Variants in LRRC4C observed in about 807,000 individuals in gnomAD.
LRRC4C encodes leucine rich repeat containing 4C, also known as leucine-rich repeat-containing protein 4C.
Under a neutral mutation model 33.6 loss-of-function variants are expected in LRRC4C, and 5 were observed. The observed-to-expected ratio is 0.15, with a 90% CI of 0.08 to 0.31. The LOEUF is 0.31. Among genes scored for constraint, LRRC4C ranks in the 10% least tolerant of loss-of-function variants. The probability of loss-of-function intolerance (pLI) is 1.00; values close to 1 mark genes in which losing one functional copy is unlikely to be tolerated. For missense variants in LRRC4C, 560 were observed against 796.7 expected (o/e 0.70, Z 3.58); for synonymous variants, 329 against 302.0 (o/e 1.09, Z -0.93).
At position 40,648,185 on chromosome 11, in the gene LRRC4C, T is replaced by C. The variant is rs1416256500; in HGVS notation, c.-313A>G. The C allele has an allele frequency of 6.6e-6, 1 of 152,214 alleles. No homozygotes were observed. The highest frequency in any genetic ancestry group is 2.4e-5 in the African/African-American group (1 of 41,450). 9.4% of individuals were successfully genotyped at this position (152,214 alleles called of 1,614,324 possible). Reference sequence around the variant, plus strand: ...GGACCCGTTTCTCTGTTTGCAAAACTGGAACCCACTTAATTTATGGCGATT... The same window carrying C: ...GGACCCGTTTCTCTGTTTGCAAAACCGGAACCCACTTAATTTATGGCGATT... On this transcript the variant is annotated 5_prime_UTR_variant, in exon 3 of 7. Coordinates refer to ENST00000528697, the MANE Select transcript of LRRC4C (RefSeq NM_001258419.2).
At chr11:41,067,873 A>G (rs941375884) in intron 1 of LRRC4C, among the ~76,000 whole-genome samples, 8 of 152,220 alleles carry the variant, frequency 5.3e-5, no homozygotes, top group African/African-American at 1.9e-4. Flanking sequence ...CAGAGAGACA[A>G]CGTACTAGAA....
chr11:40,587,168 T>A (rs1336817348), intron 3 of LRRC4C, among the ~76,000 whole-genome samples: 1 of 152,088 alleles, frequency 6.6e-6, no homozygotes, highest in African/African-American at 2.4e-5. Flanking sequence ...TGGATTGTAG[T>A]TCTCCTTGAA....
chr11:40,540,264 G>C (rs1455848597), intron 3 of LRRC4C, among the ~76,000 whole-genome samples: 5 of 152,114 alleles, frequency 3.3e-5, no homozygotes, highest in Non-Finnish European at 7.4e-5. Context: ...CTGTTGTAGC[G>C]CTGGCAGTTC....
At chr11:40,125,550 TTCTC>T (rs35065547) in intron 6 of LRRC4C, among the ~76,000 whole-genome samples, 2 of 151,180 alleles carry the variant, frequency 1.3e-5, no homozygotes, top group Admixed American at 6.6e-5. Flanking sequence ...TGTTCATTTC[TTCTC>T]TCTCTCTCTC....
chr11:41,191,954 G>A (rs1242823265), intron 1 of LRRC4C, among the ~76,000 whole-genome samples: 1 of 152,082 alleles, frequency 6.6e-6, no homozygotes, highest in African/African-American at 2.4e-5. Context: ...CATTAATTCT[G>A]AATGGTATTC....
At chr11:40,758,597 G>A (rs1949053480) in intron 2 of LRRC4C, among the ~76,000 whole-genome samples, 1 of 151,906 alleles carries the variant, frequency 6.6e-6, no homozygotes, top group Admixed American at 6.6e-5. Context: ...GCATTTAATA[G>A]GATAGATCCC....
chr11:40,302,843 C>A (rs528262512), intron 4 of LRRC4C, among the ~76,000 whole-genome samples: 3 of 151,974 alleles, frequency 2.0e-5, no homozygotes, highest in African/African-American at 7.3e-5. Context: ...AGCATGGAGT[C>A]GAGCCAAGAA....
intron 2 of LRRC4C, among the ~76,000 whole-genome samples, chr11:40,809,946 A>G (rs1310188731): frequency 6.6e-6 from 1 of 152,200 alleles, no homozygotes; most frequent in Non-Finnish European, 1.5e-5. Context: ...AAGTCATAAC[A>G]CTGTTCAAAA....
chr11:41,232,608 AAT>A (rs1254887274), intron 1 of LRRC4C, among the ~76,000 whole-genome samples: 7 of 152,090 alleles, frequency 4.6e-5, no homozygotes, highest in South Asian at 2.1e-4. Flanking sequence ...ATCAATAAAT[AAT>A]ATGTGTATGT....
chr11:40,992,930 G>T (rs1471158824), intron 1 of LRRC4C, among the ~76,000 whole-genome samples: 1 of 152,074 alleles, frequency 6.6e-6, no homozygotes, highest in Non-Finnish European at 1.5e-5. Flanking sequence ...TATTAAATAA[G>T]TGTGTCATTA....
chr11:40,607,007 G>A (rs1351809121), intron 3 of LRRC4C, among the ~76,000 whole-genome samples: 1 of 152,190 alleles, frequency 6.6e-6, no homozygotes, highest in Non-Finnish European at 1.5e-5. Context: ...AAGACTATTA[G>A]TGAATTTCTC....
At chr11:41,414,610 AG>A (rs1954611114) in intron 1 of LRRC4C, among the ~76,000 whole-genome samples, 1 of 151,858 alleles carries the variant, frequency 6.6e-6, no homozygotes, top group South Asian at 2.1e-4. Flanking sequence ...TGGTTTTTGG[AG>A]AGGTTCAGAA....
At position 41,080,342 on chromosome 11, in the gene LRRC4C, C is replaced by T. The variant is rs1487697942; in HGVS notation, c.-495-146619G>A. Among the ~76,000 whole-genome samples the T allele has an allele frequency of 6.8e-5, 7 of 103,434 alleles. No individual in the cohort carries two copies. In the Admixed American group the frequency reaches 8.1e-4, roughly 12 times the overall value. The allele number at this position is 103,434 out of a possible 152,430, so 67.9% of individuals were successfully genotyped here. On this transcript the variant is annotated intron_variant, in intron 1 of 6. Transcript: ENST00000528697. ...TTGACCCAAATGTCAGAGTCTCCTC[C>T]TTTTTTTTTTTTTTTTTTTTTTGTT...
intron 5 of LRRC4C, among the ~76,000 whole-genome samples, chr11:40,193,539 G>C (rs548496398): frequency 6.6e-6 from 1 of 152,112 alleles, no homozygotes; most frequent in Non-Finnish European, 1.5e-5. Flanking sequence ...AAACCAGAAT[G>C]CCTCTTCTCC....
chr11:41,128,645 C>T (rs1330544316), intron 1 of LRRC4C, among the ~76,000 whole-genome samples: 2 of 152,048 alleles, frequency 1.3e-5, no homozygotes, highest in Admixed American at 6.6e-5. Context: ...GTGACCTCCT[C>T]ACACTCCTAA....
chr11:41,243,848 A>G (rs1204326360), intron 1 of LRRC4C, among the ~76,000 whole-genome samples: 1 of 152,144 alleles, frequency 6.6e-6, no homozygotes, highest in Non-Finnish European at 1.5e-5. Context: ...TAAACTTCAT[A>G]GCAGTACTAT....
chr11:40,658,471 G>T (rs1943247088), intron 2 of LRRC4C, among the ~76,000 whole-genome samples: 1 of 152,124 alleles, frequency 6.6e-6, no homozygotes, highest in South Asian at 2.1e-4. Flanking sequence ...AGAGAAAGGG[G>T]TTTAATTGTA....
At chr11:40,425,955 A>G (rs1950695680) in intron 3 of LRRC4C, among the ~76,000 whole-genome samples, 1 of 151,414 alleles carries the variant, frequency 6.6e-6, no homozygotes, top group Non-Finnish European at 1.5e-5. Context: ...CACCAACTCT[A>G]TGCTAAGTAC....
intron 3 of LRRC4C, among the ~76,000 whole-genome samples, chr11:40,572,284 A>G (rs1194958857): frequency 6.6e-6 from 1 of 152,192 alleles, no homozygotes; most frequent in African/African-American, 2.4e-5. Context: ...GTCCAGACCC[A>G]GGTTTAGATG....
Sources: gnomAD v4.1 joint callset for allele counts (sites outside exome capture counted in the v4.1 genomes callset) on GRCh38, gnomAD v4.1.1 for gene constraint, MANE v1.5 for transcripts, NCBI Gene and HGNC (gene_info 2026-07-23, HGNC 2026-07-21) for gene names.